The following CLRN1 variants were observed in gnomAD, a reference collection of about 807,000 sequenced individuals.
The protein encoded by CLRN1 is clarin-1.
CLRN1 carries 15 observed loss-of-function variants against 18.7 expected under a neutral mutation model. The ratio of observed to expected loss-of-function variants is 0.80; its 90% CI spans 0.54 to 1.23. CLRN1 has a LOEUF of 1.23. CLRN1 is among the 50% of genes most tolerant of loss of function. The probability of loss-of-function intolerance (pLI) is 0.00; values close to 1 mark genes in which losing one functional copy is unlikely to be tolerated. For missense variants in CLRN1, 311 were observed against 277.5 expected, an observed-to-expected ratio of 1.12 and a Z score of -0.86; for synonymous variants, 104 against 102.9, an observed-to-expected ratio of 1.01 and a Z score of -0.07.
At chr3:150,959,302 A>C (rs1011702984) in intron 1 of CLRN1, among the ~76,000 whole-genome samples, 6 of 152,116 alleles carry the variant, frequency 3.9e-5, no homozygotes, top group Admixed American at 6.5e-5. Flanking sequence ...TAACTTACAA[A>C]TAATTTGTCT....
upstream of CLRN1, chr3:150,972,776 G>A (rs765265811): frequency 8.1e-6 from 13 of 1,605,942 alleles, no homozygotes; most frequent in Admixed American, 2.2e-4. Flanking sequence ...GGAAGGGACT[G>A]CCTCTTTGAC....
At chr3:150,946,903 C>A (rs1278034496) in intron 1 of CLRN1, among the ~76,000 whole-genome samples, 2 of 120,522 alleles carry the variant, frequency 1.7e-5, no homozygotes, top group Non-Finnish European at 3.3e-5. Flanking sequence ...CCCCCTCCCC[C>A]CACCCCACAA....
At chr3:150,965,467 A>G (rs774974485) in intron 1 of CLRN1, among the ~76,000 whole-genome samples, 1 of 152,236 alleles carries the variant, frequency 6.6e-6, no homozygotes, top group Non-Finnish European at 1.5e-5. Flanking sequence ...ATGAGTATAT[A>G]CTGATATACT....
intron 2 of CLRN1, among the ~76,000 whole-genome samples, chr3:150,936,267 T>G (rs1713481148): frequency 1.3e-5 from 2 of 152,334 alleles, no homozygotes; most frequent in East Asian, 1.9e-4. Context: ...CCAATTTTAT[T>G]GCTTTACATA....
At chr3:150,971,945 G>C (rs1186503144) in intron 1 of CLRN1, among the ~76,000 whole-genome samples, 1 of 152,154 alleles carries the variant, frequency 6.6e-6, no homozygotes, top group Non-Finnish European at 1.5e-5. Flanking sequence ...ATAGCCAAAT[G>C]ATTCCAAATT....
intron 2 of CLRN1, among the ~76,000 whole-genome samples, chr3:150,928,735 G>A (rs559681778): frequency 6.6e-6 from 1 of 152,308 alleles, no homozygotes; most frequent in South Asian, 2.1e-4. Flanking sequence ...AAAGGAAAAG[G>A]TAGCTATGGA....
At chr3:150,932,923 G>T (rs1713238677) in intron 2 of CLRN1, among the ~76,000 whole-genome samples, 1 of 152,154 alleles carries the variant, frequency 6.6e-6, no homozygotes, top group African/African-American at 2.4e-5. Flanking sequence ...TAACACCATT[G>T]GGTCTAGCCT....
chr3:150,928,878 T>G (rs530384199), intron 2 of CLRN1, among the ~76,000 whole-genome samples: 34 of 152,356 alleles, frequency 2.2e-4, no homozygotes, highest in South Asian at 1.2e-3. Context: ...ATGGGCGGGA[T>G]AGTCTTCTTG....
chr3:150,972,660 T>A lies in CLRN1; in HGVS notation c.49A>T (p.Ser17Cys). 1 of 1,614,214 alleles carries A rather than the reference T, an allele frequency of 6.2e-7. No individual in the cohort carries two copies. The highest frequency in any genetic ancestry group is 8.5e-7 in the Non-Finnish European group (1 of 1,180,036). ...KIIFCMAGVF[S>C]FACALGVVTA... ...ACAACTCCGAGGGCACATGCAAAAC[T>A]GAACACTCCGGCCATGCAAAAAATG... Residue 17 changes from serine (S) to cysteine (C), a missense_variant, in exon 1 of 3, where the codon AGT (serine) becomes TGT (cysteine). Physicochemically the swap from Ser to Cys is moderately radical, Grantham distance 112. Coordinates refer to ENST00000327047, the MANE Select transcript of CLRN1 (RefSeq NM_174878.3).
Position 150,926,903 on chromosome 3 carries a change from GA to G in CLRN1, c.*1032del, listed in dbSNP as rs768607634. ...GATCAATTTGATGGGTAATTCAGGGGAAAAAAAAAGTTGACCTGGGTCATGC... is the reference window on the plus strand; with the variant it reads ...GATCAATTTGATGGGTAATTCAGGGGAAAAAAAAGTTGACCTGGGTCATGC... On this transcript the variant is annotated 3_prime_UTR_variant, in exon 3 of 3. Coordinates refer to ENST00000327047, the MANE Select transcript of CLRN1 (RefSeq NM_174878.3). 4.4e-5 allele frequency: 71 copies of G among 1,605,660 alleles called. No homozygotes were observed. The highest frequency in any genetic ancestry group is 5.4e-5 in the Non-Finnish European group (63 of 1,174,558).
rs1712816773 is a variant in CLRN1, at chr3:150,926,804, T to C, written c.*1132A>G. On this transcript the variant is annotated 3_prime_UTR_variant, in exon 3 of 3. Transcript: ENST00000327047. ...TCATTCTCTGCTTTTTCCTTGGTGC[T>C]TTCTGGAGGACAGCAGGTTGAGGAT... 6.2e-7 allele frequency: 1 copy of C among 1,613,996 alleles called. No homozygotes were observed. The highest frequency in any genetic ancestry group is 8.5e-7 in the Non-Finnish European group (1 of 1,180,026).
intron 1 of CLRN1, among the ~76,000 whole-genome samples, chr3:150,960,975 G>A (rs1376589501): frequency 6.6e-6 from 1 of 152,208 alleles, no homozygotes; most frequent in Non-Finnish European, 1.5e-5. Flanking sequence ...TGGAAACAGG[G>A]GAAGCCACTG....
intron 2 of CLRN1, among the ~76,000 whole-genome samples, chr3:150,933,317 T>C (rs1487709773): frequency 6.6e-6 from 1 of 151,934 alleles, no homozygotes; most frequent in African/African-American, 2.4e-5. Flanking sequence ...GTACATTCAA[T>C]GGTTTATCAG....
At chr3:150,956,294 C>T (rs1714733744) in intron 1 of CLRN1, among the ~76,000 whole-genome samples, 1 of 152,102 alleles carries the variant, frequency 6.6e-6, no homozygotes, top group Non-Finnish European at 1.5e-5. Context: ...GGTATAGATA[C>T]AAGGTAACCT....
intron 1 of CLRN1, among the ~76,000 whole-genome samples, chr3:150,948,483 C>CAAAAA (rs55846714): frequency 9.2e-5 from 5 of 54,386 alleles, no homozygotes; most frequent in East Asian, 1.6e-3. Context: ...GACTCCGTCT[C>CAAAAA]AAAAAAAAAA....
chr3:150,942,853 C>G (rs1713938149), intron 1 of CLRN1, among the ~76,000 whole-genome samples: 2 of 152,164 alleles, frequency 1.3e-5, no homozygotes, highest in Non-Finnish European at 2.9e-5. Context: ...TACATTGTGC[C>G]AGTTCCAGGC....
chr3:150,945,918 T>A (rs543695808), intron 1 of CLRN1, among the ~76,000 whole-genome samples: 4 of 152,338 alleles, frequency 2.6e-5, no homozygotes, highest in African/African-American at 9.6e-5. Context: ...CTTTCAGGAT[T>A]TTATCCTATG....
At chr3:150,930,699 G>C (rs1713091234) in intron 2 of CLRN1, among the ~76,000 whole-genome samples, 1 of 152,090 alleles carries the variant, frequency 6.6e-6, no homozygotes, top group South Asian at 2.1e-4. Context: ...TTTACCATAA[G>C]AGCCTTCTTT....
chr3:150,972,553 C>T lies in CLRN1; in HGVS notation c.156G>A (p.Gln52=). Residue 52 remains glutamine (Q), a synonymous_variant, in exon 1 of 3, where the codon CAG becomes CAA. Coordinates refer to ENST00000327047, the MANE Select transcript of CLRN1 (RefSeq NM_174878.3). ...TGALLVNASG[Q]ELDKFMGEMQ... ...TTTCACCCATAAACTTGTCCAGCTC[C>T]TGCCCTGAGGCATTGACGAGCAGAG... 6.2e-7 allele frequency: 1 copy of T among 1,614,182 alleles called. No individual in the cohort carries two copies. Among genetic ancestry groups the T allele is most frequent in the Admixed American group, 1.7e-5 (1 of 60,032 alleles).
Sources: gnomAD v4.1 joint callset for allele counts (sites outside exome capture counted in the v4.1 genomes callset) on GRCh38, gnomAD v4.1.1 for gene constraint, MANE v1.5 for transcripts, NCBI Gene and HGNC (gene_info 2026-07-23, HGNC 2026-07-21) for gene names.